MACROD2: variants seen among roughly 807,000 people sequenced by gnomAD.
The protein encoded by MACROD2 is ADP-ribose glycohydrolase MACROD2.
Under a neutral mutation model 70.4 loss-of-function variants are expected in MACROD2, and 36 were observed. The ratio of observed to expected loss-of-function variants is 0.51; its 90% CI spans 0.39 to 0.68. The LOEUF is 0.68. Ranked by LOEUF, MACROD2 falls within the 30% of genes least tolerant of loss-of-function variation. The probability of loss-of-function intolerance (pLI) is 0.00; values close to 1 mark genes in which losing one functional copy is unlikely to be tolerated. For missense variants in MACROD2, 496 were observed against 538.4 expected (o/e 0.92, Z 0.78); for synonymous variants, 172 against 178.8 (o/e 0.96, Z 0.30).
At chr20:14,557,295 A>G (rs1979097664) in intron 4 of MACROD2, among the ~76,000 whole-genome samples, 1 of 151,944 alleles carries the variant, frequency 6.6e-6, no homozygotes, top group Non-Finnish European at 1.5e-5. Context: ...TAGGTGTAAA[A>G]TTCATGACCT....
intron 9 of MACROD2, among the ~76,000 whole-genome samples, chr20:15,875,174 A>G (rs79380388): frequency 0.019 from 2,943 of 152,258 alleles, 109 homozygotes; most frequent in African/African-American, 0.067. Context: ...TGGGACTTCC[A>G]ATGTACAGAA....
chr20:15,643,379 T>C (rs1201337876), intron 8 of MACROD2, among the ~76,000 whole-genome samples: 1 of 152,244 alleles, frequency 6.6e-6, no homozygotes, highest in Non-Finnish European at 1.5e-5. Flanking sequence ...TCTGATGTCA[T>C]TGAAATGTCA....
intron 3 of MACROD2, among the ~76,000 whole-genome samples, chr20:14,444,104 T>C (rs1568614452): frequency 6.6e-6 from 1 of 152,148 alleles, no homozygotes. Flanking sequence ...TCATAAAAAC[T>C]ATATAAAATG....
intron 6 of MACROD2, among the ~76,000 whole-genome samples, chr20:15,315,338 T>G (rs1244263089): frequency 6.6e-6 from 1 of 152,022 alleles, no homozygotes; most frequent in African/African-American, 2.4e-5. Flanking sequence ...TCCACACATA[T>G]AAGAAGCTCA....
chr20:14,644,672 G>T (rs1985285362), intron 4 of MACROD2, among the ~76,000 whole-genome samples: 1 of 152,140 alleles, frequency 6.6e-6, no homozygotes, highest in African/African-American at 2.4e-5. Context: ...TATAACTAAT[G>T]TTTATATGAC....
At chr20:15,886,854 C>A (rs1374299282) in intron 10 of MACROD2, among the ~76,000 whole-genome samples, 1 of 152,028 alleles carries the variant, frequency 6.6e-6, no homozygotes, top group Non-Finnish European at 1.5e-5. Flanking sequence ...AGATAACATA[C>A]CTAAAGTTTC....
At chr20:14,436,632 T>C (rs1033044194) in intron 3 of MACROD2, among the ~76,000 whole-genome samples, 1 of 152,194 alleles carries the variant, frequency 6.6e-6, no homozygotes, top group African/African-American at 2.4e-5. Flanking sequence ...TCTACACGTA[T>C]GTGACATGTA....
intron 3 of MACROD2, among the ~76,000 whole-genome samples, chr20:14,277,950 A>G (rs1568534742): frequency 1.3e-5 from 2 of 152,178 alleles, no homozygotes; most frequent in African/African-American, 2.4e-5. Flanking sequence ...TACAACTGAA[A>G]GTTTTCTAGG....
chr20:15,599,869 C>T (rs992189240), intron 8 of MACROD2, among the ~76,000 whole-genome samples: 2 of 152,156 alleles, frequency 1.3e-5, no homozygotes, highest in Admixed American at 6.5e-5. Flanking sequence ...GTTCAGATGC[C>T]TTCTCCATGG....
chr20:16,047,318 C>T (rs1255397081), intron 17 of MACROD2, among the ~76,000 whole-genome samples: 1 of 152,040 alleles, frequency 6.6e-6, no homozygotes, highest in African/African-American at 2.4e-5. Flanking sequence ...GAATGTTTGG[C>T]GTTGTATAAT....
intron 5 of MACROD2, among the ~76,000 whole-genome samples, chr20:15,198,715 G>T (rs1486388558): frequency 3.3e-5 from 5 of 152,014 alleles, no homozygotes; most frequent in Admixed American, 3.3e-4. Flanking sequence ...TTTCTCTTTT[G>T]TATAGAATCC....
At chr20:14,195,579 C>G (rs1010716190) in intron 3 of MACROD2, among the ~76,000 whole-genome samples, 1 of 152,046 alleles carries the variant, frequency 6.6e-6, no homozygotes, top group Non-Finnish European at 1.5e-5. Context: ...TAAAAACCCC[C>G]GAGACCCTAG....
chr20:14,818,017 T>C (rs140509000), intron 5 of MACROD2, among the ~76,000 whole-genome samples: 102 of 152,292 alleles, frequency 6.7e-4, no homozygotes, highest in African/African-American at 2.1e-3. Context: ...ATCTGCCATA[T>C]CTTCTGTGGG....
intron 4 of MACROD2, among the ~76,000 whole-genome samples, chr20:14,614,036 T>G (rs1983324673): frequency 6.6e-6 from 1 of 152,122 alleles, no homozygotes; most frequent in Non-Finnish European, 1.5e-5. Flanking sequence ...TAAAATATTT[T>G]TATAAATTTT....
intron 8 of MACROD2, among the ~76,000 whole-genome samples, chr20:15,565,186 G>T (rs2048294555): frequency 6.6e-6 from 1 of 152,046 alleles, no homozygotes; most frequent in African/African-American, 2.4e-5. Flanking sequence ...CTGCTTTTCT[G>T]GTAACTAACT....
intron 5 of MACROD2, among the ~76,000 whole-genome samples, chr20:15,168,452 T>C: frequency 7.2e-6 from 1 of 139,834 alleles, no homozygotes; most frequent in East Asian, 2.0e-4. Flanking sequence ...TGTGTGTGTG[T>C]GTGTGTGTGT....
chr20:15,014,141 C>A (rs2075103888), intron 5 of MACROD2, among the ~76,000 whole-genome samples: 1 of 152,122 alleles, frequency 6.6e-6, no homozygotes, highest in South Asian at 2.1e-4. Context: ...ACATGAAAAC[C>A]ACCATATACT....
At chr20:14,705,427 G>C (rs1179669248) in intron 5 of MACROD2, among the ~76,000 whole-genome samples, 1 of 152,112 alleles carries the variant, frequency 6.6e-6, no homozygotes, top group African/African-American at 2.4e-5. Context: ...GTCACTGAAT[G>C]AATAATTTAG....
chr20:14,610,807 A>G (rs1983109816), intron 4 of MACROD2, among the ~76,000 whole-genome samples: 1 of 152,092 alleles, frequency 6.6e-6, no homozygotes, highest in East Asian at 1.9e-4. Flanking sequence ...GAAAATGGTC[A>G]ACATATGCAA....
Sources: allele counts gnomAD v4.1 joint callset (sites outside exome capture counted in the v4.1 genomes callset), GRCh38; gene constraint gnomAD v4.1.1; transcripts MANE v1.5; gene names NCBI Gene and HGNC (gene_info 2026-07-23, HGNC 2026-07-21).